KCNK5: variants seen among roughly 807,000 people sequenced by gnomAD.
KCNK5 encodes potassium channel subfamily K member 5.
In KCNK5, 18 loss-of-function variants were observed where a neutral mutation model predicts 32.9. That is an observed-to-expected ratio of 0.55 (90% confidence interval 0.38 to 0.81). The LOEUF is 0.81. Among genes scored for constraint, KCNK5 ranks in the 30% least tolerant of loss-of-function variants. The pLI, the probability that KCNK5 is intolerant of heterozygous loss-of-function variation, is 0.00. For synonymous variants in KCNK5, 276 were observed against 275.3 expected (o/e 1.00, Z -0.03); for missense variants, 507 against 651.0 (o/e 0.78, Z 2.41).
At chr6:39,217,586 A>G (rs1441855432) in intron 1 of KCNK5, among the ~76,000 whole-genome samples, 1 of 152,188 alleles carries the variant, frequency 6.6e-6, no homozygotes, top group Non-Finnish European at 1.5e-5. Context: ...ACCTTGGGCA[A>G]GTTACATAAC....
At chr6:39,217,343 G>A (rs1771461578) in intron 1 of KCNK5, among the ~76,000 whole-genome samples, 1 of 152,010 alleles carries the variant, frequency 6.6e-6, no homozygotes, top group Non-Finnish European at 1.5e-5. Context: ...TTAGTCTAAG[G>A]GCAAAGGAGG....
chr6:39,205,090 A>C (rs1771200472), intron 1 of KCNK5, among the ~76,000 whole-genome samples: 1 of 152,218 alleles, frequency 6.6e-6, no homozygotes, highest in African/African-American at 2.4e-5. Context: ...GAACAAGCCC[A>C]GGGCAGAGCT....
rs1771003225 is a variant in KCNK5, at chr6:39,194,922, T to C, written c.299-162A>G. 6.6e-6 allele frequency among the ~76,000 whole-genome samples: 1 copy of C among 152,198 alleles called. No individual in the cohort carries two copies. Among genetic ancestry groups the C allele is most frequent in the African/African-American group, 2.4e-5 (1 of 41,434 alleles). On this transcript the variant is annotated intron_variant, in intron 2 of 4. Coordinates refer to ENST00000359534, the MANE Select transcript of KCNK5 (RefSeq NM_003740.4). The surrounding 1 kb of genome is among the most constrained non-coding windows in gnomAD (Gnocchi z 4.7). Reference sequence around the variant, plus strand: ...CTTGATCATACTCTGATCATGATCATTGATAAAGCAATTATGATGACATGA... The same window carrying C: ...CTTGATCATACTCTGATCATGATCACTGATAAAGCAATTATGATGACATGA...
Position 39,189,155 on chromosome 6 carries a change from C to A in KCNK5, c.*1735G>T, listed in dbSNP as rs1770872555. 3 of 152,264 alleles carry A rather than the reference C, an allele frequency of 2.0e-5. No homozygotes were observed. Among genetic ancestry groups the A allele is most frequent in the African/African-American group, 7.2e-5 (3 of 41,460 alleles). The allele number at this position is 152,264 out of a possible 1,614,324, so 9.4% of individuals were successfully genotyped here. ...GGCCCCTGCTGGGTGGCGGCCTCTG[C>A]AAACGGCTAGAGAAGTGGGGGTGTG... On this transcript the variant is annotated 3_prime_UTR_variant, in exon 5 of 5. Coordinates refer to ENST00000359534, the MANE Select transcript of KCNK5 (RefSeq NM_003740.4).
chr6:39,224,086 C>CTTTTT (rs10664461), intron 1 of KCNK5, among the ~76,000 whole-genome samples: 1 of 142,492 alleles, frequency 7.0e-6, no homozygotes, highest in Non-Finnish European at 1.5e-5. Context: ...CAGACTAAGG[C>CTTTTT]TTTTTTTTTT....
Position 39,194,204 on chromosome 6 carries a change from G to A in KCNK5, c.599C>T (p.Thr200Ile). ...GTCACCGAAGCCGATGGTGGAGATG[G>A]TGATGAAGGAGTAGTAGAGGCCCTC... ...YIEGLYYSFI[T>I]ISTIGFGDFV... The change falls in exon 4 of 5, where the codon ACC becomes ATC. Residue 200 changes from threonine (T) to isoleucine (I), a missense_variant. By Grantham distance (89) the Thr-to-Ile change is moderately conservative (BLOSUM62 -1). Coordinates refer to ENST00000359534, the MANE Select transcript of KCNK5 (RefSeq NM_003740.4). The surrounding 1 kb of genome is among the most constrained non-coding windows in gnomAD (Gnocchi z 4.7). The A allele has an allele frequency of 6.2e-7, 1 of 1,614,172 alleles. No individual in the cohort carries two copies. Among genetic ancestry groups the A allele is most frequent in the Non-Finnish European group, 8.5e-7 (1 of 1,180,022 alleles).
At chr6:39,221,535 G>A (rs190261582) in intron 1 of KCNK5, among the ~76,000 whole-genome samples, 1 of 152,286 alleles carries the variant, frequency 6.6e-6, no homozygotes, top group Admixed American at 6.5e-5. Context: ...CACCTGGTAG[G>A]CACTCCACAG....
intron 1 of KCNK5, among the ~76,000 whole-genome samples, chr6:39,206,971 C>A (rs538390891): frequency 1.3e-5 from 2 of 152,336 alleles, no homozygotes; most frequent in African/African-American, 4.8e-5. Context: ...GAGGACACCT[C>A]CATTCTGAGG....
rs1405784019 is a variant in KCNK5, at chr6:39,190,546, T to TA, written c.*343dup. The TA allele has an allele frequency of 4.9e-6, 1 of 204,482 alleles. No individual in the cohort carries two copies. The allele number at this position is 204,482 out of a possible 1,614,324, so 12.7% of individuals were successfully genotyped here. On this transcript the variant is annotated 3_prime_UTR_variant, in exon 5 of 5. Transcript: ENST00000359534. ...CCCCAGACCTCAGAGAACCGTGTGATACTCCACCAAATGGTGAGACAAAGA... is the reference window on the plus strand; with the variant it reads ...CCCCAGACCTCAGAGAACCGTGTGATAACTCCACCAAATGGTGAGACAAAGA...
At chr6:39,226,648 A>T (rs1771676337) in intron 1 of KCNK5, among the ~76,000 whole-genome samples, 2 of 152,182 alleles carry the variant, frequency 1.3e-5, no homozygotes, top group Admixed American at 1.3e-4. Flanking sequence ...ATGGGAAAGA[A>T]GATTTTTGAG....
rs13208158 is a variant in KCNK5, at chr6:39,191,631, G to A, written c.759C>T (p.His253=). The change falls in exon 5 of 5, where the codon CAC becomes CAT. Residue 253 remains histidine, a synonymous_variant. Transcript: ENST00000359534. This position sits in a 1 kb window ranked among gnomAD's most constrained non-coding sequence, Gnocchi z 5.8. The part of the protein sequence containing the change: ...NWKVSMFVEV[H]KAIKKRRRRR... ...GCCGCCGCCGCTTCTTAATGGCTTT[G>A]TGGACTTCCACAAACATGCTCACCT... The A allele has an allele frequency of 0.017, 27,083 of 1,614,046 alleles. 307 individuals are homozygous for A. Among genetic ancestry groups the A allele is most frequent in the South Asian group, 0.021 (1,934 of 91,066 alleles).
intron 1 of KCNK5, among the ~76,000 whole-genome samples, chr6:39,208,920 T>A (rs1263999607): frequency 6.6e-6 from 1 of 152,062 alleles, no homozygotes; most frequent in Non-Finnish European, 1.5e-5. Flanking sequence ...TGAAACCCCA[T>A]CTCTACTAAA....
chr6:39,221,723 G>A (rs958894582), intron 1 of KCNK5, among the ~76,000 whole-genome samples: 2 of 152,160 alleles, frequency 1.3e-5, no homozygotes, highest in East Asian at 3.9e-4. Context: ...GCCCCCTGAG[G>A]GCAGGGGCTG....
intron 1 of KCNK5, among the ~76,000 whole-genome samples, chr6:39,208,639 G>A (rs1159549840): frequency 6.6e-6 from 1 of 152,238 alleles, no homozygotes; most frequent in African/African-American, 2.4e-5. Flanking sequence ...AACCAGCACA[G>A]ACATCTTGGG....
intron 1 of KCNK5, among the ~76,000 whole-genome samples, chr6:39,206,419 A>G (rs1418037525): frequency 6.6e-6 from 1 of 152,244 alleles, no homozygotes; most frequent in African/African-American, 2.4e-5. Flanking sequence ...GTCAAGGATC[A>G]GCTACAGGAA....
In KCNK5 at chr6:39,194,546, T is replaced by C. The variant is rs377118790; in HGVS notation, c.465+48A>G. The C allele has an allele frequency of 6.2e-7, 1 of 1,600,970 alleles. No individual in the cohort carries two copies. The highest frequency in any genetic ancestry group is 8.5e-7 in the Non-Finnish European group (1 of 1,170,624). On this transcript the variant is annotated intron_variant, in intron 3 of 4. Transcript: ENST00000359534. This position sits in a 1 kb window ranked among gnomAD's most constrained non-coding sequence, Gnocchi z 4.7. The stretch of plus-strand genomic sequence containing the variant: ...AGAGGCCTCCTGTCCTCCCCTCACC[T>C]GTCATGGTTCCCCCATCTCTGCCCA...
chr6:39,228,634 G>A (rs1771714260), intron 1 of KCNK5, among the ~76,000 whole-genome samples: 1 of 152,102 alleles, frequency 6.6e-6, no homozygotes, highest in African/African-American at 2.4e-5. Flanking sequence ...GGGAGGTACC[G>A]TCACACCCAC....
chr6:39,190,057 G>T lies in KCNK5; in HGVS notation c.*833C>A, dbSNP rs1282145056. The T allele has an allele frequency of 1.3e-5, 2 of 152,536 alleles. No homozygotes were observed. The highest frequency in any genetic ancestry group is 1.3e-4 in the Admixed American group (2 of 15,292). The allele number at this position is 152,536 out of a possible 1,614,324, so 9.4% of individuals were successfully genotyped here. The stretch of plus-strand genomic sequence containing the variant: ...CCAGCCAGAGCTGAGCCTCACTCTT[G>T]CAGCTCCCTGGCCACCAGCCCTAGC... On this transcript the variant is annotated 3_prime_UTR_variant, in exon 5 of 5. Transcript: ENST00000359534.
At chr6:39,217,357 T>A (rs1408712393) in intron 1 of KCNK5, among the ~76,000 whole-genome samples, 1 of 152,006 alleles carries the variant, frequency 6.6e-6, no homozygotes, top group Non-Finnish European at 1.5e-5. Context: ...AAGGAGGAGA[T>A]GCTGGCGGGT....
Sources: allele counts gnomAD v4.1 joint callset (sites outside exome capture counted in the v4.1 genomes callset), GRCh38; gene constraint gnomAD v4.1.1; non-coding constraint Gnocchi (gnomAD v3.1); transcripts MANE v1.5; gene names NCBI Gene and HGNC (gene_info 2026-07-23, HGNC 2026-07-21).